Variants in SGK1 observed in about 807,000 individuals in gnomAD.
SGK1 encodes the protein serine/threonine-protein kinase Sgk1.
Under a neutral mutation model 64.2 loss-of-function variants are expected in SGK1, and 26 were observed. That is an observed-to-expected ratio of 0.40 (90% CI 0.30 to 0.56). The LOEUF (loss-of-function observed/expected upper bound fraction) is 0.56, where lower values mean the gene tolerates loss of function less well. Ranked by LOEUF, SGK1 falls within the 20% of genes least tolerant of loss-of-function variation. SGK1 has a pLI of 0.38. For synonymous variants in SGK1, 265 were observed against 239.7 expected (o/e 1.11, Z -0.98); for missense variants, 519 against 645.6 (o/e 0.80, Z 2.12).
intron 3 of SGK1, among the ~76,000 whole-genome samples, chr6:134,183,041 A>T (rs1388516042): frequency 6.6e-6 from 1 of 152,210 alleles, no homozygotes; most frequent in African/African-American, 2.4e-5. Flanking sequence ...AGTCATACTT[A>T]TCGTGCTTTT....
Position 134,305,363 on chromosome 6 carries a change from C to CAA in SGK1, c.69+12027_69+12028dup, listed in dbSNP as rs34637536. Among the ~76,000 whole-genome samples the CAA allele has an allele frequency of 9.2e-3, 597 of 65,088 alleles. 9 individuals are homozygous for CAA. The highest frequency in any genetic ancestry group is 0.028 in the African/African-American group (415 of 14,924). 42.7% of individuals were successfully genotyped at this position (65,088 alleles called of 152,430 possible). On this transcript the variant is annotated intron_variant, in intron 1 of 13. Coordinates refer to ENST00000367858, the MANE Select transcript of SGK1 (RefSeq NM_001143676.3). ...TGGGCAACAGAGTGATACTTCATCT[C>CAA]AAAAAAAAAAAAAAAAAAAAAAAGG... is the stretch of plus-strand genomic sequence containing the variant.
intron 2 of SGK1, chr6:134,215,077 G>C (rs1403177507): frequency 2.2e-6 from 1 of 455,726 alleles, no homozygotes; most frequent in East Asian, 7.0e-5. Context: ...CAGTTGTCCA[G>C]AAGTTTTGCA....
chr6:134,172,834 A>T, intron 8 of SGK1, 60 bp from the exon 9 acceptor site: 6 of 1,332,724 alleles, frequency 4.5e-6, no homozygotes, highest in Non-Finnish European at 6.5e-6. Context: ...GTTTTGACAT[A>T]CACAGCAAAA....
chr6:134,288,941 C>T (rs1252551240), intron 1 of SGK1, among the ~76,000 whole-genome samples: 2 of 152,202 alleles, frequency 1.3e-5, no homozygotes, highest in Non-Finnish European at 2.9e-5. Flanking sequence ...CTAACATACA[C>T]ATAGTAAGAG....
At chr6:134,280,368 G>A (rs889132765) in intron 1 of SGK1, among the ~76,000 whole-genome samples, 7 of 152,086 alleles carry the variant, frequency 4.6e-5, no homozygotes, top group African/African-American at 1.7e-4. Context: ...CTAAGTATTT[G>A]TTGAATAAAT....
intron 2 of SGK1, chr6:134,230,265 T>C (rs1460093362): frequency 6.6e-6 from 1 of 152,234 alleles, no homozygotes; most frequent in Non-Finnish European, 1.5e-5. Flanking sequence ...GGCAGTAGGA[T>C]TACGTGAGCC....
chr6:134,192,720 C>T (rs549422774), intron 3 of SGK1, among the ~76,000 whole-genome samples: 1 of 151,958 alleles, frequency 6.6e-6, no homozygotes, highest in African/African-American at 2.4e-5. Context: ...CAGGCATGCA[C>T]CACCATGCCT....
intron 13 of SGK1, 93 bp downstream of exon 13, chr6:134,170,733 A>C (rs1046137366): frequency 1.2e-6 from 1 of 858,248 alleles, no homozygotes; most frequent in Admixed American, 2.3e-5. Flanking sequence ...AACATCTGCC[A>C]ATGTATTCCT....
chr6:134,185,327 C>T (rs532990148), intron 3 of SGK1, among the ~76,000 whole-genome samples: 1 of 152,194 alleles, frequency 6.6e-6, no homozygotes, highest in Non-Finnish European at 1.5e-5. Flanking sequence ...CAACCCCCTT[C>T]TACTTTATAT....
intron 1 of SGK1, chr6:134,297,910 TG>T (rs1777386477): frequency 1.2e-6 from 1 of 807,428 alleles, no homozygotes; most frequent in Non-Finnish European, 2.2e-6. Context: ...CGGCTGCGGT[TG>T]GTGATCTCCT....
chr6:134,240,640 T>C (rs1490146508), intron 2 of SGK1, among the ~76,000 whole-genome samples: 1 of 152,262 alleles, frequency 6.6e-6, no homozygotes, highest in Non-Finnish European at 1.5e-5. Flanking sequence ...AAGATACTTA[T>C]TGGTGCACAG....
At chr6:134,199,218 TACCTGG>T (rs1359711134) in intron 3 of SGK1, among the ~76,000 whole-genome samples, 33 of 152,234 alleles carry the variant, frequency 2.2e-4, no homozygotes, top group African/African-American at 7.9e-4. Context: ...ATGGACTTAA[TACCTGG>T]GTGATGAAAC....
intron 1 of SGK1, among the ~76,000 whole-genome samples, chr6:134,304,861 T>C (rs1208606524): frequency 6.6e-6 from 1 of 152,168 alleles, no homozygotes; most frequent in Admixed American, 6.5e-5. Flanking sequence ...ATTTGTCCAA[T>C]TTGTTCACTG....
intron 1 of SGK1, among the ~76,000 whole-genome samples, chr6:134,286,482 T>A (rs1176158650): frequency 6.7e-6 from 1 of 149,340 alleles, no homozygotes; most frequent in Non-Finnish European, 1.5e-5. Flanking sequence ...TACAATATTT[T>A]TTTTTTTTTT....
intron 3 of SGK1, among the ~76,000 whole-genome samples, chr6:134,195,443 A>C (rs1342677356): frequency 6.6e-6 from 1 of 152,218 alleles, no homozygotes; most frequent in Admixed American, 6.5e-5. Context: ...CTGAGCCTAT[A>C]GTCACACATT....
At chr6:134,304,968 A>G (rs1777512906) in intron 1 of SGK1, among the ~76,000 whole-genome samples, 1 of 152,136 alleles carries the variant, frequency 6.6e-6, no homozygotes, top group Non-Finnish European at 1.5e-5. Flanking sequence ...GAAAAGAAAA[A>G]TCTTTAACCT....
chr6:134,175,492 C>G, intron 3 of SGK1: 1 of 1,378,404 alleles, frequency 7.3e-7, no homozygotes, highest in Non-Finnish European at 9.5e-7. Flanking sequence ...TGCCTCCAAG[C>G]CGCTCTGGGG....
intron 1 of SGK1, among the ~76,000 whole-genome samples, chr6:134,304,499 A>T (rs1777506367): frequency 6.6e-6 from 1 of 152,144 alleles, no homozygotes; most frequent in Non-Finnish European, 1.5e-5. Flanking sequence ...TAAAGATATA[A>T]AAGTTAGCCG....
chr6:134,203,345 A>G (rs1775718072), intron 3 of SGK1, among the ~76,000 whole-genome samples: 1 of 152,252 alleles, frequency 6.6e-6, no homozygotes, highest in African/African-American at 2.4e-5. Context: ...GTAAATTAAT[A>G]TTAAATTCTA....
Sources: gnomAD v4.1 joint callset for allele counts (sites outside exome capture counted in the v4.1 genomes callset) on GRCh38, gnomAD v4.1.1 for gene constraint, MANE v1.5 for transcripts, NCBI Gene and HGNC (gene_info 2026-07-23, HGNC 2026-07-21) for gene names.